The following KMT2A variants were observed in gnomAD, a reference collection of about 807,000 sequenced individuals.
The protein encoded by KMT2A is lysine methyltransferase 2A.
Under a neutral mutation model 345.3 loss-of-function variants are expected in KMT2A, and 16 were observed. The observed-to-expected ratio is 0.05, with a 90% CI of 0.03 to 0.07. The LOEUF (loss-of-function observed/expected upper bound fraction) is 0.07. KMT2A is among the 10% of genes least tolerant of loss of function. The probability of loss-of-function intolerance (pLI) is 1.00; values close to 1 mark genes in which losing one functional copy is unlikely to be tolerated. For synonymous variants in KMT2A, 1,599 were observed against 1,778.6 expected, an observed-to-expected ratio of 0.90 and a Z score of 2.54; for missense variants, 3,272 against 4,841.6, an observed-to-expected ratio of 0.68 and a Z score of 9.62.
Position 118,436,768 on chromosome 11 carries a change from T to A in KMT2A, c.256T>A (p.Ser86Thr). The change falls in exon 1 of 36, where the codon TCG (serine) becomes ACG (threonine). Residue 86 changes from serine to threonine, a missense_variant. By Grantham distance (58) the Ser-to-Thr change is moderately conservative. Around this residue, in one of 27 missense-constraint regions of KMT2A, gnomAD observed 412 missense variants for 511.0 expected, o/e 0.81. Transcript: ENST00000534358. The surrounding 1 kb of genome is among the most constrained non-coding windows in gnomAD (Gnocchi z 6.9). ...GGAAAASAAS[S>T]SSASSSSSSS... is the part of the protein sequence containing the mutation. ...AGCGGCCGCCGCCTCAGCAGCCTCC[T>A]CGTCGTCCGCCTCGTCTTCGTCTTC... is the stretch of plus-strand genomic sequence containing the variant. 6.2e-7 allele frequency: 1 copy of A among 1,603,600 alleles called. No homozygotes were observed. Among genetic ancestry groups the A allele is most frequent in the Non-Finnish European group, 8.5e-7 (1 of 1,175,608 alleles).
At chr11:118,459,633 G>A (rs563235802) in intron 1 of KMT2A, among the ~76,000 whole-genome samples, 2 of 152,084 alleles carry the variant, frequency 1.3e-5, no homozygotes, top group East Asian at 3.9e-4. Flanking sequence ...AACTCTAGGC[G>A]GGTGATTTTT....
At position 118,489,931 on chromosome 11, in the gene KMT2A, G is replaced by A. The variant is rs1054274764; in HGVS notation, c.4575+44G>A. The A allele has an allele frequency of 1.3e-6, 2 of 1,536,704 alleles. 1 individual carries two copies. Among genetic ancestry groups the A allele is most frequent in the East Asian group, 4.5e-5 (2 of 44,466 alleles). On this transcript the variant is annotated intron_variant, in intron 12 of 35. Coordinates refer to ENST00000534358, the MANE Select transcript of KMT2A (RefSeq NM_001197104.2). ...GCTCTTTTATAGAGAACCACCATGT[G>A]ACTATTGGACTTATGTAACTTGTAT... is the stretch of plus-strand genomic sequence containing the variant.
At chr11:118,475,884 A>G (rs9332781) in intron 3 of KMT2A, among the ~76,000 whole-genome samples, 6,304 of 152,042 alleles carry the variant, frequency 0.041, 186 homozygotes, top group South Asian at 0.068. Context: ...AAAATCTGAG[A>G]CATTTCTTTT....
chr11:118,499,436 G>A lies in KMT2A; in HGVS notation c.6079+16G>A, dbSNP rs1555045011. Reference sequence around the variant, plus strand: ...ATGATGATTGGTATGACCTAGCCTTGGTTATTGGGGAAGGCTGTATATATC... The same window carrying A: ...ATGATGATTGGTATGACCTAGCCTTAGTTATTGGGGAAGGCTGTATATATC... On this transcript the variant is annotated intron_variant, in intron 23 of 35. Transcript: ENST00000534358. 7.0e-7 allele frequency: 1 copy of A among 1,431,902 alleles called. No individual in the cohort carries two copies. The highest frequency in any genetic ancestry group is 2.3e-5 in the East Asian group (1 of 44,108). The allele number at this position is 1,431,902 out of a possible 1,614,324, so 88.7% of individuals were successfully genotyped here. A position where few individuals can be genotyped will look rare whatever the true frequency, so the allele number is the denominator to read the frequency against.
chr11:118,484,122 T>C lies in KMT2A; in HGVS notation c.4087-61T>C, dbSNP rs1950189633. 1 of 1,498,154 alleles carries C rather than the reference T, an allele frequency of 6.7e-7. No homozygotes were observed. The highest frequency in any genetic ancestry group is 9.2e-7 in the Non-Finnish European group (1 of 1,092,654). The allele number at this position is 1,498,154 out of a possible 1,614,324, so 92.8% of individuals were successfully genotyped here. ...AATTTGTCATTTGCATTATTATCTG[T>C]TGCAAATGTGAAGGCAAATAGGGTG... On this transcript the variant is annotated intron_variant, in intron 8 of 35. Transcript: ENST00000534358. The surrounding 1 kb of genome is among the most constrained non-coding windows in gnomAD (Gnocchi z 4.1).
Position 118,503,949 on chromosome 11 carries a change from A to C in KMT2A, c.8057A>C (p.Asn2686Thr). ...TSDEDDLYYY[N>T]FTRTVISSGG... is the part of the protein sequence containing the mutation. ...GATGAAGACGACTTATACTATTACA[A>C]CTTCACTAGAACAGTGATTTCTTCA... Residue 2686 changes from asparagine (N) to threonine (T), a missense_variant, in exon 27 of 36, where the codon AAC becomes ACC. This residue lies in a region of KMT2A where 47 missense variants were observed against 53.6 expected (regional missense o/e 0.88). Coordinates refer to ENST00000534358, the MANE Select transcript of KMT2A (RefSeq NM_001197104.2). This position sits in a 1 kb window ranked among gnomAD's most constrained non-coding sequence, Gnocchi z 5.3. 1 of 1,614,150 alleles carries C rather than the reference A, an allele frequency of 6.2e-7. No homozygotes were observed. The highest frequency in any genetic ancestry group is 8.5e-7 in the Non-Finnish European group (1 of 1,180,028).
chr11:118,506,164 A>G lies in KMT2A; in HGVS notation c.10272A>G (p.Thr3424=). The part of the protein sequence containing the change: ...TSQTPSTAAI[T]AASSICVLPS... Reference sequence around the variant, plus strand: ...AGACCCCCTCTACTGCTGCAATAACAGCGGCATCTAGCATCTGTGTGCTCC... The same window carrying G: ...AGACCCCCTCTACTGCTGCAATAACGGCGGCATCTAGCATCTGTGTGCTCC... Residue 3424 remains threonine (T), a synonymous_variant, in exon 27 of 36, where the codon ACA becomes ACG. Coordinates refer to ENST00000534358, the MANE Select transcript of KMT2A (RefSeq NM_001197104.2). The G allele has an allele frequency of 6.2e-7, 1 of 1,614,180 alleles. No individual in the cohort carries two copies. The highest frequency in any genetic ancestry group is 2.2e-5 in the East Asian group (1 of 44,886).
chr11:118,477,078 G>A, intron 4 of KMT2A, 96 bp downstream of exon 4: 1 of 1,179,240 alleles, frequency 8.5e-7, no homozygotes, highest in Non-Finnish European at 1.2e-6. Flanking sequence ...TAGTTAGTAG[G>A]TCCTCTGAAA....
At position 118,484,084 on chromosome 11, in the gene KMT2A, G is replaced by T. The variant is rs1950189036; in HGVS notation, c.4087-99G>T. 14 of 1,144,708 alleles carry T rather than the reference G, an allele frequency of 1.2e-5. No individual in the cohort carries two copies. The highest frequency in any genetic ancestry group is 1.8e-5 in the Non-Finnish European group (14 of 798,152). The allele number at this position is 1,144,708 out of a possible 1,614,324, so 70.9% of individuals were successfully genotyped here. On this transcript the variant is annotated intron_variant, in intron 8 of 35. Coordinates refer to ENST00000534358, the MANE Select transcript of KMT2A (RefSeq NM_001197104.2). This position sits in a 1 kb window ranked among gnomAD's most constrained non-coding sequence, Gnocchi z 4.1. ...GTTTATGTTGGAAACATGTTTTTTA[G>T]ATCTATTAATAAAATTTGTCATTTG...
chr11:118,511,856 T>C, intron 30 of KMT2A, 95 bp from the exon 31 acceptor site: 2 of 938,260 alleles, frequency 2.1e-6, no homozygotes, highest in Non-Finnish European at 3.5e-6. Flanking sequence ...GTTCACACTG[T>C]AGGGATTCTA....
chr11:118,488,805 T>G (rs1362093533), intron 11 of KMT2A, 45 bp downstream of exon 11: 1 of 1,595,748 alleles, frequency 6.3e-7, no homozygotes, highest in Admixed American at 1.7e-5. Context: ...TCTGTATCAG[T>G]GGGTTCTGTA....
intron 31 of KMT2A, among the ~76,000 whole-genome samples, chr11:118,514,558 AGCCTCCTGAGTAGCTGGGACTACAGGC>A (rs542394644): frequency 1.4e-3 from 219 of 151,736 alleles, no homozygotes; most frequent in Non-Finnish European, 2.6e-3. Context: ...CTCCTGCTTC[AGCCTCCTGAGTAGCTGGGACTACAGGC>A]GCATGCTACC....
At chr11:118,439,345 CA>C (rs1565560672) in intron 1 of KMT2A, among the ~76,000 whole-genome samples, 1 of 152,064 alleles carries the variant, frequency 6.6e-6, no homozygotes, top group Non-Finnish European at 1.5e-5. Context: ...TCTTCTTGTT[CA>C]GTATGCTTAT....
intron 10 of KMT2A, chr11:118,488,398 T>A (rs1950266718): frequency 1.0e-5 from 6 of 590,538 alleles, no homozygotes; most frequent in South Asian, 7.1e-5. Context: ...ATTTTGTTAC[T>A]TTCTATTTCC....
chr11:118,464,125 C>G (rs952961378), intron 1 of KMT2A, among the ~76,000 whole-genome samples: 1 of 152,070 alleles, frequency 6.6e-6, no homozygotes, highest in African/African-American at 2.4e-5. Context: ...GTCCAGTTTG[C>G]AAGGAAAAAA....
In KMT2A at chr11:118,472,739, G is replaced by A. The variant is rs782575685; in HGVS notation, c.1580G>A (p.Arg527Lys). The change falls in exon 3 of 36, where the codon AGA (arginine) becomes AAA (lysine). Residue 527 changes from arginine to lysine, a missense_variant. By Grantham distance (26) the Arg-to-Lys change is conservative (BLOSUM62 2). Coordinates refer to ENST00000534358, the MANE Select transcript of KMT2A (RefSeq NM_001197104.2). Reference protein sequence around the residue: ...QSPENESNDRRSRRYSVSERS... With the variant: ...QSPENESNDRKSRRYSVSERS... ...CCAGAAAATGAGAGTAATGATAGGAGAAGCAGAAGGTATTCAGTGTCGGAG... is the reference window on the plus strand; with the variant it reads ...CCAGAAAATGAGAGTAATGATAGGAAAAGCAGAAGGTATTCAGTGTCGGAG... 1.2e-6 allele frequency: 2 copies of A among 1,613,682 alleles called. No homozygotes were observed. The highest frequency in any genetic ancestry group is 1.7e-6 in the Non-Finnish European group (2 of 1,179,960).
rs781922604 is a variant in KMT2A at position 118,489,773 on chromosome 11, C to T, written c.4480-19C>T. Reference sequence around the variant, plus strand: ...AGGTAATATGATGCTTATCTTTTTGCCATTATATTTTCTTACAGCAGCTGC... The same window carrying T: ...AGGTAATATGATGCTTATCTTTTTGTCATTATATTTTCTTACAGCAGCTGC... On this transcript the variant is annotated intron_variant, in intron 11 of 35. Coordinates refer to ENST00000534358, the MANE Select transcript of KMT2A (RefSeq NM_001197104.2). The T allele has an allele frequency of 1.0e-5, 16 of 1,606,278 alleles. No individual in the cohort carries two copies. Among genetic ancestry groups the T allele is most frequent in the Admixed American group, 1.7e-5 (1 of 59,888 alleles).
At chr11:118,458,154 G>T in intron 1 of KMT2A, 1 of 400,068 alleles carries the variant, frequency 2.5e-6, no homozygotes, top group Non-Finnish European at 5.1e-6. Context: ...CTCGATCACA[G>T]TTCACTGCAG....
chr11:118,489,138 G>A (rs958250748), intron 11 of KMT2A, among the ~76,000 whole-genome samples: 8 of 147,212 alleles, frequency 5.4e-5, no homozygotes, highest in African/African-American at 7.5e-5. Flanking sequence ...GAGGAAAATC[G>A]CTTGAACTTT....
Sources: gnomAD v4.1 joint callset for allele counts (sites outside exome capture counted in the v4.1 genomes callset) on GRCh38, gnomAD v4.1.1 for gene constraint, gnomAD v4.1.1 regional missense constraint, Gnocchi (gnomAD v3.1) non-coding constraint, MANE v1.5 for transcripts, NCBI Gene and HGNC (gene_info 2026-07-23, HGNC 2026-07-21) for gene names.